Variants in TRPM1 observed in about 807,000 individuals in gnomAD.
TRPM1 encodes TRPM1-203 APA Isoform, Intron 10.
TRPM1 carries 113 observed loss-of-function variants against 149.4 expected under a neutral mutation model. That is an observed-to-expected ratio of 0.76 (90% CI 0.65 to 0.88). The LOEUF is 0.88. TRPM1 is among the 40% of genes least tolerant of loss of function. The pLI, the probability that TRPM1 is intolerant of heterozygous loss-of-function variation, is 0.00. For missense variants in TRPM1, 1,976 were observed against 2,038.7 expected (o/e 0.97, Z 0.59); for synonymous variants, 741 against 759.5 (o/e 0.98, Z 0.40).
At chr15:31,104,305 C>A (rs2035568539), upstream of TRPM1, among the ~76,000 whole-genome samples, 1 of 152,140 alleles carries the variant, frequency 6.6e-6, no homozygotes, top group African/African-American at 2.4e-5. Context: ...CATGGGAGAT[C>A]CCCAGGCTAG....
chr15:31,031,211 C>T, intron 22 of TRPM1, 54 bp from the exon 23 acceptor site: 2 of 1,598,966 alleles, frequency 1.3e-6, no homozygotes, highest in Non-Finnish European at 1.7e-6. Context: ...GCCAAGTTCA[C>T]CCTGGCTCAT....
At chr15:31,031,405 G>C in intron 22 of TRPM1, 1 of 575,092 alleles carries the variant, frequency 1.7e-6, no homozygotes, top group Non-Finnish European at 3.1e-6. Flanking sequence ...CTTCTTCTCT[G>C]TTGTTGCCCA....
chr15:31,100,000 C>A (rs529465675), intron 1 of TRPM1, among the ~76,000 whole-genome samples: 10 of 152,240 alleles, frequency 6.6e-5, no homozygotes, highest in African/African-American at 2.4e-4. Flanking sequence ...CTTCCTTCCC[C>A]ATTCTCAGTT....
At chr15:31,056,416 A>T (rs967865101) in intron 11 of TRPM1, among the ~76,000 whole-genome samples, 2 of 152,222 alleles carry the variant, frequency 1.3e-5, no homozygotes, top group Non-Finnish European at 2.9e-5. Context: ...TAGAAGATAC[A>T]TCCTTGTGAA....
intron 1 of TRPM1, 66 bp from the exon 2 acceptor site, chr15:31,081,504 G>C: frequency 9.6e-7 from 1 of 1,041,090 alleles, no homozygotes; most frequent in Non-Finnish European, 1.4e-6. Context: ...GAAGCAAGAT[G>C]AACAAATCCT....
At chr15:31,021,576 G>T (rs2032552262) in intron 27 of TRPM1, among the ~76,000 whole-genome samples, 1 of 151,828 alleles carries the variant, frequency 6.6e-6, no homozygotes, top group Admixed American at 6.6e-5. Context: ...CACGCCTGTA[G>T]CCTCAGCTAC....
chr15:31,089,329 C>T (rs1437618106), intron 1 of TRPM1, among the ~76,000 whole-genome samples: 1 of 151,834 alleles, frequency 6.6e-6, no homozygotes. Flanking sequence ...TGGTTGTTAA[C>T]TTTTCCCACT....
intron 1 of TRPM1, among the ~76,000 whole-genome samples, chr15:31,153,234 C>T (rs1005030163): frequency 6.6e-6 from 1 of 152,212 alleles, no homozygotes; most frequent in Admixed American, 6.5e-5. Flanking sequence ...AATCTATTCT[C>T]TCTGAAGCTG....
chr15:31,121,860 A>G (rs972157575), intron 1 of TRPM1, among the ~76,000 whole-genome samples: 4 of 152,170 alleles, frequency 2.6e-5, no homozygotes, highest in African/African-American at 7.2e-5. Context: ...CCAAGACATT[A>G]TAAGAAAAAA....
chr15:31,129,951 C>T (rs1412604306), intron 1 of TRPM1, among the ~76,000 whole-genome samples: 1 of 152,224 alleles, frequency 6.6e-6, no homozygotes, highest in Non-Finnish European at 1.5e-5. Flanking sequence ...CTTAGTTTTC[C>T]CATCTGTGAT....
intron 1 of TRPM1, among the ~76,000 whole-genome samples, chr15:31,118,687 T>C (rs2035835853): frequency 6.6e-6 from 1 of 152,202 alleles, no homozygotes; most frequent in Non-Finnish European, 1.5e-5. Context: ...TCACTTGATC[T>C]TACCCAAAAG....
chr15:31,160,617 T>A (rs1354921160), intron 1 of TRPM1, among the ~76,000 whole-genome samples: 2 of 152,190 alleles, frequency 1.3e-5, no homozygotes, highest in Non-Finnish European at 1.5e-5. Flanking sequence ...GACTCTGGAA[T>A]GGTGAAAGGA....
At chr15:31,152,143 G>T (rs2036311208) in intron 1 of TRPM1, among the ~76,000 whole-genome samples, 2 of 152,282 alleles carry the variant, frequency 1.3e-5, no homozygotes, top group South Asian at 4.2e-4. Context: ...CCAACTCAAG[G>T]GTCCTTGAAC....
intron 9 of TRPM1, among the ~76,000 whole-genome samples, chr15:31,062,339 T>C (rs1176386586): frequency 6.6e-6 from 1 of 152,146 alleles, no homozygotes; most frequent in Non-Finnish European, 1.5e-5. Context: ...TCAGAGGGTG[T>C]TGTGTGGTGT....
chr15:31,130,085 T>C (rs1475060712), intron 1 of TRPM1, among the ~76,000 whole-genome samples: 1 of 152,214 alleles, frequency 6.6e-6, no homozygotes, highest in Non-Finnish European at 1.5e-5. Flanking sequence ...TGCTCAGAGC[T>C]GCCTGGGTGG....
At chr15:31,160,804 C>T (rs2036434593) in intron 1 of TRPM1, 2 of 1,332,484 alleles carry the variant, frequency 1.5e-6, no homozygotes, top group South Asian at 1.3e-5. Flanking sequence ...TTTGGGAGGA[C>T]AGGACCCGCT....
intron 1 of TRPM1, among the ~76,000 whole-genome samples, chr15:31,107,647 G>C (rs1249904485): frequency 6.6e-6 from 1 of 151,702 alleles, no homozygotes; most frequent in Non-Finnish European, 1.5e-5. Context: ...TTGAAGGTTA[G>C]GTTATTTATT....
chr15:31,029,498 CA>C lies in TRPM1; in HGVS notation c.3128-108del, dbSNP rs1175236105. On this transcript the variant is annotated intron_variant, in intron 23 of 27. Coordinates refer to ENST00000256552, the MANE Select transcript of TRPM1 (RefSeq NM_001252024.2). ...GAGAAAAGTAAAACAAGTGGTTTAA[CA>C]ACATAACTGTTTTGCTGTGAAGAAA... The C allele has an allele frequency of 1.1e-5, 12 of 1,092,352 alleles. No homozygotes were observed. The African/African-American group carries it at 1.7e-4, about 16-fold the overall frequency. The allele number at this position is 1,092,352 out of a possible 1,614,324, so 67.7% of individuals were successfully genotyped here.
At chr15:31,114,582 C>T (rs1424098039) in intron 1 of TRPM1, among the ~76,000 whole-genome samples, 1 of 152,068 alleles carries the variant, frequency 6.6e-6, no homozygotes, top group African/African-American at 2.4e-5. Context: ...TAAGACATTG[C>T]AAAAGAAAAA....
Sources: allele counts gnomAD v4.1 joint callset (sites outside exome capture counted in the v4.1 genomes callset), GRCh38; gene constraint gnomAD v4.1.1; transcripts MANE v1.5; gene names NCBI Gene and HGNC (gene_info 2026-07-23, HGNC 2026-07-21).